PHTF1: variants seen among roughly 807,000 people sequenced by gnomAD.
The protein encoded by PHTF1 is putative homeodomain transcription factor 1.
Under a neutral mutation model 102.4 loss-of-function variants are expected in PHTF1, and 88 were observed. The ratio of observed to expected loss-of-function variants is 0.86; its 90% CI spans 0.72 to 1.03. The LOEUF is 1.03. Ranked by LOEUF, PHTF1 falls within the 50% of genes least tolerant of loss-of-function variation. The pLI, the probability that PHTF1 is intolerant of heterozygous loss-of-function variation, is 0.00. For missense variants in PHTF1, 814 were observed against 909.5 expected (o/e 0.89, Z 1.35); for synonymous variants, 289 against 305.2 (o/e 0.95, Z 0.55).
intron 17 of PHTF1, 49 bp from the exon 18 acceptor site, chr1:113,698,436 C>G: frequency 6.4e-7 from 1 of 1,566,508 alleles, no homozygotes; most frequent in Non-Finnish European, 8.7e-7. Context: ...TTTCTCATAG[C>G]TACTCAGTGA....
At chr1:113,726,740 G>A (rs1488722875) in intron 5 of PHTF1, among the ~76,000 whole-genome samples, 166 bp from the exon 6 acceptor site, 1 of 152,130 alleles carries the variant, frequency 6.6e-6, no homozygotes, top group African/African-American at 2.4e-5. Flanking sequence ...GTGAAAAACT[G>A]AAGCCCTAGA....
At chr1:113,742,796 A>G (rs1656610933) in intron 3 of PHTF1, among the ~76,000 whole-genome samples, 1 of 152,162 alleles carries the variant, frequency 6.6e-6, no homozygotes, top group Non-Finnish European at 1.5e-5. Flanking sequence ...CACCATAAAC[A>G]TAGGCTACAC....
At chr1:113,754,997 G>A (rs892310034) in intron 3 of PHTF1, among the ~76,000 whole-genome samples, 1 of 151,996 alleles carries the variant, frequency 6.6e-6, no homozygotes, top group African/African-American at 2.4e-5. Context: ...CTTAAACATT[G>A]TAGTTCAATA....
At chr1:113,717,411 CA>C (rs1652227689) in intron 7 of PHTF1, among the ~76,000 whole-genome samples, 1 of 151,914 alleles carries the variant, frequency 6.6e-6, no homozygotes, top group South Asian at 2.1e-4. Flanking sequence ...ACTTTCTAAT[CA>C]AAAGACATAG....
At chr1:113,750,339 G>C (rs1046588017) in intron 3 of PHTF1, among the ~76,000 whole-genome samples, 8 of 152,032 alleles carry the variant, frequency 5.3e-5, no homozygotes, top group Admixed American at 5.2e-4. Flanking sequence ...CCACCATCCT[G>C]CTTAAATAAA....
chr1:113,739,259 G>A (rs1655977698), intron 3 of PHTF1, among the ~76,000 whole-genome samples: 1 of 152,120 alleles, frequency 6.6e-6, no homozygotes, highest in South Asian at 2.1e-4. Context: ...AAAGGAACTT[G>A]CCATTAATAC....
chr1:113,754,110 A>C (rs1012184224), intron 3 of PHTF1, among the ~76,000 whole-genome samples: 1 of 152,204 alleles, frequency 6.6e-6, no homozygotes, highest in Non-Finnish European at 1.5e-5. Flanking sequence ...AATTCCATGA[A>C]AATAAAAATA....
intron 3 of PHTF1, among the ~76,000 whole-genome samples, chr1:113,748,219 TC>T (rs1333797305): frequency 6.6e-6 from 1 of 152,140 alleles, no homozygotes; most frequent in East Asian, 1.9e-4. Context: ...GTTCAAGGGA[TC>T]CTCTTGCCTC....
Position 113,704,925 on chromosome 1 carries a change from G to A in PHTF1, c.1672-128C>T, listed in dbSNP as rs893828390. ...TGAAGTTCTAATCAGTGTTCAGTAA[G>A]ATGGGCAGTGAAAATTTTCATTAAT... is the stretch of plus-strand genomic sequence containing the variant. On this transcript the variant is annotated intron_variant, in intron 13 of 18. Coordinates refer to ENST00000369604, the MANE Select transcript of PHTF1 (RefSeq NM_001323043.2). 2.5e-5 allele frequency: 17 copies of A among 679,154 alleles called. No homozygotes were observed. In the East Asian group the frequency reaches 4.6e-4, roughly 18 times the overall value. 42.1% of individuals were successfully genotyped at this position (679,154 alleles called of 1,614,324 possible). A position where few individuals can be genotyped will look rare whatever the true frequency, so the allele number is the denominator to read the frequency against.
In PHTF1 at chr1:113,698,650, CACACACACAT is replaced by C. The variant is rs1167888293; in HGVS notation, c.2143-273_2143-264del. The stretch of plus-strand genomic sequence containing the variant: ...ACACACACACACACACACACACACA[CACACACACAT>C]ACACACATATATAAAATATGACAGA... On this transcript the variant is annotated intron_variant, in intron 17 of 18. Transcript: ENST00000369604. Among the ~76,000 whole-genome samples the C allele has an allele frequency of 3.6e-4, 54 of 151,664 alleles. 1 individual carries two copies. Among genetic ancestry groups the C allele is most frequent in the African/African-American group, 1.2e-3 (50 of 41,282 alleles).
At chr1:113,698,556 TACTA>T (rs894156913) in intron 17 of PHTF1, among the ~76,000 whole-genome samples, 169 bp from the exon 18 acceptor site, 8 of 152,022 alleles carry the variant, frequency 5.3e-5, no homozygotes, top group Non-Finnish European at 5.9e-5. Flanking sequence ...CCTACTTTTC[TACTA>T]ACTAAGATTT....
intron 17 of PHTF1, 57 bp downstream of exon 17, chr1:113,699,647 A>G (rs1649225813): frequency 1.3e-6 from 1 of 785,958 alleles, no homozygotes; most frequent in African/African-American, 1.7e-5. Context: ...GTTTTCTTAG[A>G]GAAAAGACTG....
chr1:113,703,559 T>A (rs995601685), intron 15 of PHTF1, among the ~76,000 whole-genome samples: 4 of 152,042 alleles, frequency 2.6e-5, no homozygotes, highest in Non-Finnish European at 5.9e-5. Flanking sequence ...TGGGTCCTCA[T>A]TATGTTGCCC....
chr1:113,738,236 GA>G lies in PHTF1; in HGVS notation c.204del (p.Pro69HisfsTer5). The G allele has an allele frequency of 6.2e-7, 1 of 1,613,824 alleles. No individual in the cohort carries two copies. The highest frequency in any genetic ancestry group is 8.5e-7 in the Non-Finnish European group (1 of 1,179,860). Reference sequence around the variant, plus strand: ...CCCTTCCGAGTCAGAGATGTCCATGGAATTTCAGGTTTTGCTTTGGCAAATG... The same window carrying G: ...CCCTTCCGAGTCAGAGATGTCCATGGATTTCAGGTTTTGCTTTGGCAAATG... ...GSTFAKAKPE[I>X]PWTSLTRKGL... On this transcript the variant is annotated frameshift_variant, in exon 5 of 19. Transcript: ENST00000369604. LOFTEE classifies it high-confidence loss of function.
At chr1:113,717,915 C>T (rs1188226992) in intron 7 of PHTF1, among the ~76,000 whole-genome samples, 1 of 152,080 alleles carries the variant, frequency 6.6e-6, no homozygotes, top group Non-Finnish European at 1.5e-5. Context: ...CACAGCCAAA[C>T]CATATCATTC....
At position 113,706,112 on chromosome 1, in the gene PHTF1, G is replaced by A; in HGVS notation, c.1449C>T (p.Val483=). Residue 483 remains valine (V), a synonymous_variant, in exon 13 of 19, where the codon GTC becomes GTT. Transcript: ENST00000369604. ...ATGGAAAAAATGCTAATCCAATAGTGACAACATTTCCCAGCATCTGATAAC... is the reference window on the plus strand; with the variant it reads ...ATGGAAAAAATGCTAATCCAATAGTAACAACATTTCCCAGCATCTGATAAC... ...GVGYQMLGNV[V]TIGLAFFPFL... 1 of 1,613,778 alleles carries A rather than the reference G, an allele frequency of 6.2e-7. No individual in the cohort carries two copies.
At chr1:113,721,987 C>T (rs552633747) in intron 7 of PHTF1, among the ~76,000 whole-genome samples, 153 of 151,842 alleles carry the variant, frequency 1.0e-3, no homozygotes, top group African/African-American at 3.5e-3. Context: ...AGCCACTGCG[C>T]CCAGCCAAAA....
chr1:113,726,576 TGAAAA>T lies in PHTF1; in HGVS notation c.332-7_332-3del, dbSNP rs776183022. ...TCAAATATAAGACAATTGCTATAACTGAAAAGAAGAGGTTTTAAGATGTAAAACAT... is the reference window on the plus strand; with the variant it reads ...TCAAATATAAGACAATTGCTATAACTGAAGAGGTTTTAAGATGTAAAACAT... On this transcript the variant is annotated splice_region_variant and splice_polypyrimidine_tract_variant and intron_variant, in intron 5 of 18. Transcript: ENST00000369604. The T allele has an allele frequency of 1.5e-5, 23 of 1,552,800 alleles. No homozygotes were observed. Among genetic ancestry groups the T allele is most frequent in the Admixed American group, 6.2e-5 (3 of 48,210 alleles).
chr1:113,744,793 C>T (rs1017453103), intron 3 of PHTF1, among the ~76,000 whole-genome samples: 1 of 151,970 alleles, frequency 6.6e-6, no homozygotes, highest in Non-Finnish European at 1.5e-5. Flanking sequence ...ACTAAAATGC[C>T]AAAAATTAGC....
Sources: gnomAD v4.1 joint callset for allele counts (sites outside exome capture counted in the v4.1 genomes callset) on GRCh38, gnomAD v4.1.1 for gene constraint, MANE v1.5 for transcripts, NCBI Gene and HGNC (gene_info 2026-07-23, HGNC 2026-07-21) for gene names.